Variants in BDP1 observed in about 807,000 individuals in gnomAD.
The protein encoded by BDP1 is BDP1 general transcription factor IIIB subunit.
BDP1 carries 169 observed loss-of-function variants against 266.6 expected under a neutral mutation model. The observed-to-expected ratio is 0.63, with a 90% CI of 0.56 to 0.72. The LOEUF (loss-of-function observed/expected upper bound fraction) is 0.72, where lower values mean the gene tolerates loss of function less well. BDP1 is among the 30% of genes least tolerant of loss of function. The pLI is 0.00. For missense variants in BDP1, 3,015 were observed against 3,053.8 expected, an observed-to-expected ratio of 0.99 and a Z score of 0.30; for synonymous variants, 1,090 against 1,022.4, an observed-to-expected ratio of 1.07 and a Z score of -1.26.
chr5:71,517,872 C>A (rs1319151108), intron 22 of BDP1, among the ~76,000 whole-genome samples: 1 of 151,888 alleles, frequency 6.6e-6, no homozygotes, highest in Non-Finnish European at 1.5e-5. Flanking sequence ...TCAAGACCAG[C>A]CTGGGCAACA....
intron 26 of BDP1, among the ~76,000 whole-genome samples, chr5:71,532,855 C>A (rs578148513): frequency 6.6e-6 from 1 of 152,256 alleles, no homozygotes; most frequent in African/African-American, 2.4e-5. Context: ...CTTCTAGTAT[C>A]GTGCAAACAT....
At chr5:71,456,783 A>G (rs1298903426) in intron 1 of BDP1, among the ~76,000 whole-genome samples, 1 of 152,220 alleles carries the variant, frequency 6.6e-6, no homozygotes, top group Non-Finnish European at 1.5e-5. Flanking sequence ...GTTGCCCGCA[A>G]AAAGTTACTA....
At chr5:71,569,771 G>T (rs467563), downstream of BDP1, among the ~76,000 whole-genome samples, 63,719 of 151,794 alleles carry the variant, frequency 0.42, 13,718 homozygotes, top group South Asian at 0.47. Context: ...ACACACACTC[G>T]CAGTGCCTGG....
chr5:71,516,159 T>C lies in BDP1; in HGVS notation c.4748T>C (p.Ile1583Thr), dbSNP rs1351954073. The C allele has an allele frequency of 6.2e-7, 1 of 1,613,230 alleles. No homozygotes were observed. Among genetic ancestry groups the C allele is most frequent in the Non-Finnish European group, 8.5e-7 (1 of 1,179,584 alleles). The change falls in exon 21 of 39, where the codon ATA (isoleucine) becomes ACA (threonine). Residue 1583 changes from isoleucine (I) to threonine (T), a missense_variant. Physicochemically the swap from Ile to Thr is moderately conservative, Grantham distance 89. Around this residue, in one of 3 missense-constraint regions of BDP1, gnomAD observed 2,383 missense variants for 2,404.9 expected, o/e 0.99. Transcript: ENST00000358731. The part of the protein sequence containing the change: ...RGRLQRPRPN[I>T]RKTGQRQIVD... ...CGACTTCAGAGACCGAGACCAAATA[T>C]AAGAAAGACAGGACAGAGGCAAATA...
chr5:71,501,428 C>T lies in BDP1; in HGVS notation c.1957-134C>T. 7 of 580,666 alleles carry T rather than the reference C, an allele frequency of 1.2e-5. No homozygotes were observed. In the South Asian group the frequency reaches 1.2e-4, roughly 10 times the overall value. 36.0% of individuals were successfully genotyped at this position (580,666 alleles called of 1,614,324 possible). ...AGCTCAGGCAATCCGCCTGCCTTGG[C>T]CTCCCAAAGTGCTAGGATTACAGGC... On this transcript the variant is annotated intron_variant, in intron 13 of 38. Transcript: ENST00000358731.
intron 35 of BDP1, among the ~76,000 whole-genome samples, chr5:71,553,790 T>C (rs1022910279): frequency 1.3e-5 from 2 of 152,184 alleles, no homozygotes; most frequent in African/African-American, 4.8e-5. Context: ...CTGATTTTTG[T>C]CTCTAGTCTC....
rs10682137 is a variant in BDP1 at position 71,496,438 on chromosome 5, A to ATTTTTT, written c.1800-820_1800-815dup. Among the ~76,000 whole-genome samples, 14 of 138,660 alleles carry ATTTTTT rather than the reference A, an allele frequency of 1.0e-4. 1 individual carries two copies. The South Asian group carries it at 1.6e-3, about 16-fold the overall frequency. The allele number at this position is 138,660 out of a possible 152,430, so 91.0% of individuals were successfully genotyped here. On this transcript the variant is annotated intron_variant, in intron 12 of 38. Transcript: ENST00000358731. ...CACATACACATTTAAACATTTATGA[A>ATTTTTT]TTTTTTTTTTTTTTTTTGAGACAGG...
Position 71,510,245 on chromosome 5 carries a change from A to G in BDP1, c.3153A>G (p.Leu1051=), listed in dbSNP as rs758245140. 2 of 1,614,074 alleles carry G rather than the reference A, an allele frequency of 1.2e-6. No individual in the cohort carries two copies. The highest frequency in any genetic ancestry group is 1.1e-5 in the South Asian group (1 of 91,072). Residue 1051 remains leucine (L), a synonymous_variant, in exon 17 of 39, where the codon CTA becomes CTG. Transcript: ENST00000358731. ...AAGTATCCCCACAGGAAAATGGACT[A>G]GAGGAGGTCAAGCCTCTAGGTGAAA... ...EREVSPQENG[L]EEVKPLGEME...
chr5:71,474,616 G>T (rs565270767), intron 7 of BDP1, among the ~76,000 whole-genome samples: 2 of 151,758 alleles, frequency 1.3e-5, no homozygotes, highest in Non-Finnish European at 2.9e-5. Context: ...AGGAGGCTGA[G>T]GGGGGTGGGT....
intron 38 of BDP1, chr5:71,562,984 C>A: frequency 1.0e-6 from 1 of 990,878 alleles, no homozygotes; most frequent in Non-Finnish European, 1.3e-6. Context: ...AAAGAGAAGG[C>A]TGGTGAGCAT....
At chr5:71,513,718 T>G (rs1422401333) in intron 19 of BDP1, among the ~76,000 whole-genome samples, 2 of 152,004 alleles carry the variant, frequency 1.3e-5, no homozygotes, top group East Asian at 3.9e-4. Flanking sequence ...AGTTTTTTAT[T>G]TTTTTTATTT....
chr5:71,564,533 T>G (rs1383462011), intron 38 of BDP1, among the ~76,000 whole-genome samples: 1 of 152,122 alleles, frequency 6.6e-6, no homozygotes, highest in Non-Finnish European at 1.5e-5. Flanking sequence ...GTTATCTTAG[T>G]CATAAAACTC....
Position 71,508,453 on chromosome 5 carries a change from C to T in BDP1, c.2373-1012C>T, listed in dbSNP as rs543628887. Among the ~76,000 whole-genome samples, 100 of 146,332 alleles carry T rather than the reference C, an allele frequency of 6.8e-4. 1 individual carries two copies. The highest frequency in any genetic ancestry group is 2.5e-3 in the African/African-American group (99 of 39,954). On this transcript the variant is annotated intron_variant, in intron 16 of 38. Transcript: ENST00000358731. ...CTGAATAGCTGGGACTACAGGTGCA[C>T]GCCACCTCACTTGACTAATTTTTTT...
intron 26 of BDP1, among the ~76,000 whole-genome samples, chr5:71,538,789 A>G (rs2150556127): frequency 6.6e-6 from 1 of 152,366 alleles, no homozygotes; most frequent in African/African-American, 2.4e-5. Flanking sequence ...TACATAACAA[A>G]ATGATAAGAG....
At chr5:71,535,020 T>C (rs1319457753) in intron 26 of BDP1, among the ~76,000 whole-genome samples, 3 of 152,154 alleles carry the variant, frequency 2.0e-5, no homozygotes, top group Admixed American at 2.0e-4. Context: ...TATATTAGCT[T>C]TATATCCTGC....
intron 35 of BDP1, among the ~76,000 whole-genome samples, chr5:71,554,772 T>TA (rs1743102378): frequency 6.6e-6 from 1 of 152,152 alleles, no homozygotes; most frequent in Non-Finnish European, 1.5e-5. Context: ...AACAATTTTT[T>TA]AAAAATTGCT....
intron 19 of BDP1, among the ~76,000 whole-genome samples, chr5:71,514,669 AATG>A (rs1412921004): frequency 2.0e-5 from 3 of 152,126 alleles, no homozygotes; most frequent in Non-Finnish European, 4.4e-5. Flanking sequence ...TCCATCCCCT[AATG>A]ATATATCTGT....
chr5:71,542,331 A>T, intron 30 of BDP1, 66 bp downstream of exon 30: 1 of 1,364,158 alleles, frequency 7.3e-7, no homozygotes, highest in Non-Finnish European at 1.0e-6. Flanking sequence ...TAACATTTCA[A>T]AGAAATATTT....
intron 1 of BDP1, among the ~76,000 whole-genome samples, chr5:71,457,179 A>C (rs1012458363): frequency 6.6e-6 from 1 of 152,090 alleles, no homozygotes; most frequent in Non-Finnish European, 1.5e-5. Context: ...AAATTGCCCA[A>C]AGATTGTAGT....
Sources: allele counts gnomAD v4.1 joint callset (sites outside exome capture counted in the v4.1 genomes callset), GRCh38; gene constraint gnomAD v4.1.1; regional missense constraint gnomAD v4.1.1; transcripts MANE v1.5; gene names NCBI Gene and HGNC (gene_info 2026-07-23, HGNC 2026-07-21).